The following REEP3 variants were observed in gnomAD, a reference collection of about 807,000 sequenced individuals.
REEP3 encodes receptor expression-enhancing protein 3.
A neutral mutation model predicts 41.3 loss-of-function variants in REEP3; 20 were observed. The observed-to-expected ratio is 0.48, with a 90% CI of 0.34 to 0.70. The LOEUF (loss-of-function observed/expected upper bound fraction) is 0.70. Ranked by LOEUF, REEP3 falls within the 30% of genes least tolerant of loss-of-function variation. The pLI is 0.01. For missense variants in REEP3, 271 were observed against 308.8 expected (o/e 0.88, Z 0.92); for synonymous variants, 104 against 101.8 (o/e 1.02, Z -0.13).
At chr10:63,575,305 G>A (rs1313995021) in intron 2 of REEP3, among the ~76,000 whole-genome samples, 1 of 152,196 alleles carries the variant, frequency 6.6e-6, no homozygotes, top group Admixed American at 6.5e-5. Flanking sequence ...CATTCAGGAA[G>A]CTTGTGGGAT....
At chr10:63,534,254 T>A (rs942383036) in intron 1 of REEP3, among the ~76,000 whole-genome samples, 6 of 152,066 alleles carry the variant, frequency 3.9e-5, no homozygotes, top group African/African-American at 7.2e-5. Flanking sequence ...TTTTTTATTT[T>A]TTTTTTGTTT....
intron 1 of REEP3, among the ~76,000 whole-genome samples, chr10:63,539,839 T>C (rs1955512602): frequency 6.6e-6 from 1 of 152,160 alleles, no homozygotes. Flanking sequence ...ATACTTTTTT[T>C]CTTAAAAAAA....
At chr10:63,529,067 A>G (rs940710928) in intron 1 of REEP3, among the ~76,000 whole-genome samples, 2 of 152,258 alleles carry the variant, frequency 1.3e-5, no homozygotes, top group African/African-American at 4.8e-5. Context: ...AATGTGAACT[A>G]TAAATCACAG....
At chr10:63,610,368 A>G (rs1398319827) in intron 6 of REEP3, 34 bp downstream of exon 6, 4 of 1,547,378 alleles carry the variant, frequency 2.6e-6, no homozygotes, top group African/African-American at 1.4e-5. Context: ...CGGTTCTTTT[A>G]CATGGAAACA....
At chr10:63,556,629 G>GTTT (rs1564477633) in intron 1 of REEP3, among the ~76,000 whole-genome samples, 2 of 13,398 alleles carry the variant, frequency 1.5e-4, no homozygotes, top group African/African-American at 3.7e-4. Context: ...TTTTTTTGTT[G>GTTT]TTTTGTTTTT....
intron 2 of REEP3, among the ~76,000 whole-genome samples, chr10:63,580,351 G>C (rs1248819543): frequency 6.6e-6 from 1 of 152,030 alleles, no homozygotes; most frequent in Non-Finnish European, 1.5e-5. Context: ...TGCCTAGGCT[G>C]GTCTCAAACT....
intron 2 of REEP3, among the ~76,000 whole-genome samples, chr10:63,573,895 T>C (rs1485196420): frequency 6.6e-6 from 1 of 152,198 alleles, no homozygotes; most frequent in Non-Finnish European, 1.5e-5. Flanking sequence ...AGCCTACTGA[T>C]TATGATGGGA....
chr10:63,572,561 A>T (rs1955862903), intron 2 of REEP3, among the ~76,000 whole-genome samples: 2 of 152,212 alleles, frequency 1.3e-5, no homozygotes, highest in Non-Finnish European at 2.9e-5. Context: ...TAACAGTTTT[A>T]TCAGAACTCT....
chr10:63,525,308 C>G (rs1955351367), intron 1 of REEP3, among the ~76,000 whole-genome samples: 1 of 152,178 alleles, frequency 6.6e-6, no homozygotes, highest in Non-Finnish European at 1.5e-5. Context: ...AACCGCCAAG[C>G]TCTTTTGTCC....
chr10:63,545,780 G>A (rs762456636), intron 1 of REEP3, among the ~76,000 whole-genome samples: 13 of 146,910 alleles, frequency 8.8e-5, no homozygotes, highest in African/African-American at 2.3e-4. Flanking sequence ...CTCTGCCTCC[G>A]GGGTTCGAGT....
intron 1 of REEP3, among the ~76,000 whole-genome samples, chr10:63,542,786 G>C (rs1366224729): frequency 1.3e-5 from 2 of 152,162 alleles, no homozygotes; most frequent in Middle Eastern, 3.4e-3. Flanking sequence ...GCCAATTTGT[G>C]GACCTTAAGT....
intron 1 of REEP3, among the ~76,000 whole-genome samples, chr10:63,532,653 CAAA>C (rs538797348): frequency 1.7e-5 from 2 of 119,204 alleles, no homozygotes; most frequent in Non-Finnish European, 1.8e-5. Flanking sequence ...GAGACTCCGT[CAAA>C]AAAAAAAAAA....
In REEP3 at chr10:63,576,818, G is replaced by C. The variant is rs867217007; in HGVS notation, c.105+10408G>C. The stretch of plus-strand genomic sequence containing the variant: ...CCATATGTCATCACATGGTCTTTCT[G>C]ATGTGTGCACATGGAGAGAAATATT... On this transcript the variant is annotated intron_variant, in intron 2 of 7. Coordinates refer to ENST00000373758, the MANE Select transcript of REEP3 (RefSeq NM_001001330.3). 7.2e-5 allele frequency among the ~76,000 whole-genome samples: 11 copies of C among 152,270 alleles called. No homozygotes were observed. In the Middle Eastern group the frequency reaches 0.01, roughly 141 times the overall value.
chr10:63,565,215 G>A (rs553205020), intron 1 of REEP3, among the ~76,000 whole-genome samples: 41 of 152,274 alleles, frequency 2.7e-4, no homozygotes, highest in Non-Finnish European at 5.6e-4. Flanking sequence ...AGCTGAGATC[G>A]CACCACTACA....
At position 63,592,987 on chromosome 10, in the gene REEP3, C is replaced by G. The variant is rs144174649; in HGVS notation, c.106-1791C>G. Among the ~76,000 whole-genome samples, 156 of 151,392 alleles carry G rather than the reference C, an allele frequency of 1.0e-3. 1 individual carries two copies. Among genetic ancestry groups the G allele is most frequent in the African/African-American group, 3.7e-3 (154 of 41,296 alleles). On this transcript the variant is annotated intron_variant, in intron 2 of 7. Transcript: ENST00000373758. ...GATTTGGAAGGACTGAGGGAATGAA[C>G]TCATACAAGAGCATCATTTCCTCTT...
chr10:63,620,398 A>C (rs1056833747), intron 7 of REEP3, among the ~76,000 whole-genome samples: 5 of 152,218 alleles, frequency 3.3e-5, no homozygotes, highest in African/African-American at 1.2e-4. Flanking sequence ...TAAACAAAGA[A>C]AGCAATGAAT....
intron 1 of REEP3, among the ~76,000 whole-genome samples, chr10:63,531,062 ATGT>A (rs1198289802): frequency 2.0e-5 from 3 of 152,194 alleles, no homozygotes; most frequent in Non-Finnish European, 4.4e-5. Context: ...AGTTTCGTTC[ATGT>A]TGTTATATTT....
intron 1 of REEP3, among the ~76,000 whole-genome samples, chr10:63,528,520 CCCT>C (rs1955388047): frequency 6.6e-6 from 1 of 152,178 alleles, no homozygotes. Flanking sequence ...CTGCCCTTGT[CCCT>C]CCTCAACAGC....
At chr10:63,587,326 T>C (rs1956017389) in intron 2 of REEP3, among the ~76,000 whole-genome samples, 1 of 152,156 alleles carries the variant, frequency 6.6e-6, no homozygotes, top group Admixed American at 6.5e-5. Context: ...GTGGTCCCCT[T>C]CTCCATTTCT....
Sources: gnomAD v4.1 joint callset for allele counts (sites outside exome capture counted in the v4.1 genomes callset) on GRCh38, gnomAD v4.1.1 for gene constraint, MANE v1.5 for transcripts, NCBI Gene and HGNC (gene_info 2026-07-23, HGNC 2026-07-21) for gene names.